The following SLC1A1 variants were observed in gnomAD, a reference collection of about 807,000 sequenced individuals.
The protein encoded by SLC1A1 is excitatory amino acid transporter 3.
SLC1A1 carries 43 observed loss-of-function variants against 53.3 expected under a neutral mutation model. That is an observed-to-expected ratio of 0.81 (90% CI 0.63 to 1.04). The LOEUF is 1.04. Among genes scored for constraint, SLC1A1 ranks in the 50% least tolerant of loss-of-function variants. The pLI is 0.00. For missense variants in SLC1A1, 748 were observed against 664.9 expected, an observed-to-expected ratio of 1.12 and a Z score of -1.37; for synonymous variants, 307 against 243.2, an observed-to-expected ratio of 1.26 and a Z score of -2.44.
Position 4,583,642 on chromosome 9 carries a change from G to A in SLC1A1, c.1328+470G>A, listed in dbSNP as rs984725392. ...TGTGTCTTACCAGCTTCTTGACCTC[G>A]AGCAAGTTTCCTTAACCTGAGGCCC... On this transcript the variant is annotated intron_variant, in intron 11 of 11. Transcript: ENST00000262352. This position sits in a 1 kb window ranked among gnomAD's most constrained non-coding sequence, Gnocchi z 4.6. Among the ~76,000 whole-genome samples the A allele has an allele frequency of 6.6e-6, 1 of 152,090 alleles. No homozygotes were observed. The highest frequency in any genetic ancestry group is 1.5e-5 in the Non-Finnish European group (1 of 68,030).
In SLC1A1 at chr9:4,587,200, A is replaced by C. The variant is rs1200174335; in HGVS notation, c.*1642A>C. ...ATCATAAATAGTAAATAATGATTCAATGTGAATTTTAAAATGCAAATATTG... is the reference window on the plus strand; with the variant it reads ...ATCATAAATAGTAAATAATGATTCACTGTGAATTTTAAAATGCAAATATTG... On this transcript the variant is annotated 3_prime_UTR_variant, in exon 12 of 12. Coordinates refer to ENST00000262352, the MANE Select transcript of SLC1A1 (RefSeq NM_004170.6). 6.6e-6 allele frequency: 1 copy of C among 152,590 alleles called. No homozygotes were observed. Among genetic ancestry groups the C allele is most frequent in the Non-Finnish European group, 1.5e-5 (1 of 68,038 alleles). The allele number at this position is 152,590 out of a possible 1,614,324, so 9.5% of individuals were successfully genotyped here. A position where few individuals can be genotyped will look rare whatever the true frequency, so the allele number is the denominator to read the frequency against.
intron 8 of SLC1A1, 120 bp downstream of exon 8, chr9:4,574,134 T>C: frequency 1.3e-6 from 1 of 759,598 alleles, no homozygotes; most frequent in South Asian, 1.4e-5. Context: ...AAAGATAGGG[T>C]TCAGAGATAA....
chr9:4,543,914 C>G (rs1052044284), intron 1 of SLC1A1, among the ~76,000 whole-genome samples: 1 of 152,124 alleles, frequency 6.6e-6, no homozygotes, highest in Non-Finnish European at 1.5e-5. Flanking sequence ...CATGGTGGTT[C>G]ACACCTGTAA....
intron 6 of SLC1A1, among the ~76,000 whole-genome samples, chr9:4,570,961 T>A (rs1204737201): frequency 6.6e-6 from 1 of 151,952 alleles, no homozygotes; most frequent in African/African-American, 2.4e-5. Flanking sequence ...AGTAGGTATT[T>A]GGCTAATTTT....
rs1423949414 is a variant in SLC1A1 at position 4,583,882 on chromosome 9, T to TCTCTCTCTCTCACA, written c.1328+711_1328+712insTCTCTCTCTCACAC. On this transcript the variant is annotated intron_variant, in intron 11 of 11. Transcript: ENST00000262352. This position sits in a 1 kb window ranked among gnomAD's most constrained non-coding sequence, Gnocchi z 4.6. Reference sequence around the variant, plus strand: ...CTCTCTCTCTCTCTCTCTCTCTCTCTCACACACACACACACACACACACAC... The same window carrying TCTCTCTCTCTCACA: ...CTCTCTCTCTCTCTCTCTCTCTCTCTCTCTCTCTCTCACACACACACACACACACACACACACAC... 1.5e-3 allele frequency among the ~76,000 whole-genome samples: 201 copies of TCTCTCTCTCTCACA among 137,018 alleles called. No individual in the cohort carries two copies. The highest frequency in any genetic ancestry group is 4.8e-3 in the African/African-American group (170 of 35,338). The allele number at this position is 137,018 out of a possible 152,430, so 89.9% of individuals were successfully genotyped here.
Position 4,564,398 on chromosome 9 carries a change from T to G in SLC1A1, c.380T>G (p.Ile127Ser). The change falls in exon 4 of 12, where the codon ATT (isoleucine) becomes AGT (serine). Residue 127 changes from isoleucine (I) to serine (S), a missense_variant. Ile to Ser is a moderately radical substitution (Grantham distance 142). Transcript: ENST00000262352. ...KPGVTQKVGEIARTGSTPEVS... is the reference protein window; with the variant it reads ...KPGVTQKVGESARTGSTPEVS... ...GGTGTCACCCAGAAAGTGGGTGAAA[T>G]TGCGAGGACAGGCAGCACCCCTGAA... 6.2e-7 allele frequency: 1 copy of G among 1,613,864 alleles called. No individual in the cohort carries two copies. The highest frequency in any genetic ancestry group is 1.1e-5 in the South Asian group (1 of 90,972).
intron 2 of SLC1A1, among the ~76,000 whole-genome samples, chr9:4,551,482 C>A (rs2039216): frequency 2.3e-4 from 35 of 152,296 alleles, no homozygotes; most frequent in Middle Eastern, 3.4e-3. Context: ...GCAAGAATTG[C>A]AAGACTTGAA....
intron 7 of SLC1A1, among the ~76,000 whole-genome samples, chr9:4,572,641 G>A (rs1160276843): frequency 1.3e-5 from 2 of 152,186 alleles, no homozygotes; most frequent in African/African-American, 4.8e-5. Context: ...TCAACTTCCT[G>A]TGCTCAAGCG....
intron 6 of SLC1A1, among the ~76,000 whole-genome samples, chr9:4,568,695 CA>C (rs57351478): frequency 0.023 from 2,328 of 102,702 alleles, 33 homozygotes; most frequent in African/African-American, 0.052. Context: ...ACTCTTGTTT[CA>C]AAAAAAAAAA....
Position 4,578,291 on chromosome 9 carries a change from C to A in SLC1A1, c.1193+1528C>A, listed in dbSNP as rs1820751101. Reference sequence around the variant, plus strand: ...TGGGCAAGTGACTTGAATTTTTAAACTTCTGTTTTCTCATCTGTAAAATGA... The same window carrying A: ...TGGGCAAGTGACTTGAATTTTTAAAATTCTGTTTTCTCATCTGTAAAATGA... On this transcript the variant is annotated intron_variant, in intron 10 of 11. Transcript: ENST00000262352. Among the ~76,000 whole-genome samples the A allele has an allele frequency of 2.6e-5, 4 of 152,342 alleles. No homozygotes were observed. The South Asian group carries it at 6.2e-4, about 24-fold the overall frequency.
At chr9:4,541,475 C>A (rs1349438394) in intron 1 of SLC1A1, among the ~76,000 whole-genome samples, 2 of 152,138 alleles carry the variant, frequency 1.3e-5, no homozygotes, top group African/African-American at 4.8e-5. Flanking sequence ...AACATTCCAT[C>A]CTAGTTAGTG....
At chr9:4,507,621 T>C (rs1820848636) in intron 1 of SLC1A1, among the ~76,000 whole-genome samples, 1 of 152,096 alleles carries the variant, frequency 6.6e-6, no homozygotes, top group Non-Finnish European at 1.5e-5. Flanking sequence ...TTGGGAGTCA[T>C]GAGGAAGAGC....
In SLC1A1 at chr9:4,548,407, T is replaced by C. The variant is rs571010923; in HGVS notation, c.232+3700T>C. ...GCTGAGGAGGGTTGAATGAGTCCCCTAAGGATACGTAAATTAGAAGCAGAA... is the reference window on the plus strand; with the variant it reads ...GCTGAGGAGGGTTGAATGAGTCCCCCAAGGATACGTAAATTAGAAGCAGAA... On this transcript the variant is annotated intron_variant, in intron 2 of 11. Coordinates refer to ENST00000262352, the MANE Select transcript of SLC1A1 (RefSeq NM_004170.6). Among the ~76,000 whole-genome samples the C allele has an allele frequency of 3.3e-5, 5 of 152,218 alleles. No individual in the cohort carries two copies. In the South Asian group the frequency reaches 1.0e-3, roughly 32 times the overall value.
intron 1 of SLC1A1, among the ~76,000 whole-genome samples, chr9:4,527,251 T>C (rs965121726): frequency 5.9e-5 from 9 of 152,182 alleles, no homozygotes; most frequent in Non-Finnish European, 1.0e-4. Flanking sequence ...TACAGCCTAA[T>C]TGACACCTTA....
intron 5 of SLC1A1, among the ~76,000 whole-genome samples, chr9:4,566,425 G>T (rs1396028180): frequency 2.6e-5 from 4 of 152,156 alleles, no homozygotes; most frequent in Admixed American, 2.6e-4. Context: ...TAGTATATTT[G>T]TACTGAAGTT....
intron 2 of SLC1A1, 53 bp from the exon 3 acceptor site, chr9:4,561,396 C>G: frequency 8.9e-7 from 1 of 1,121,380 alleles, no homozygotes; most frequent in Non-Finnish European, 1.4e-6. Context: ...ATCGCGGGTC[C>G]TGGAAACCTG....
chr9:4,582,894 T>C, intron 10 of SLC1A1, 144 bp from the exon 11 acceptor site: 1 of 1,045,446 alleles, frequency 9.6e-7, no homozygotes, highest in Middle Eastern at 2.1e-4. Flanking sequence ...GAGCTGGGGC[T>C]CAGCAAGTCA....
chr9:4,541,322 G>T (rs906547541), intron 1 of SLC1A1, among the ~76,000 whole-genome samples: 1 of 152,214 alleles, frequency 6.6e-6, no homozygotes, highest in African/African-American at 2.4e-5. Flanking sequence ...TTAAGTACTT[G>T]CTTCTATACA....
chr9:4,505,223 A>G (rs1215217126), intron 1 of SLC1A1, among the ~76,000 whole-genome samples: 1 of 151,226 alleles, frequency 6.6e-6, no homozygotes, highest in Non-Finnish European at 1.5e-5. Context: ...ATTTTTTTGT[A>G]TTTTTAATAA....
Sources: gnomAD v4.1 joint callset for allele counts (sites outside exome capture counted in the v4.1 genomes callset) on GRCh38, gnomAD v4.1.1 for gene constraint, Gnocchi (gnomAD v3.1) non-coding constraint, MANE v1.5 for transcripts, NCBI Gene and HGNC (gene_info 2026-07-23, HGNC 2026-07-21) for gene names.